The following TUT4 variants were observed in gnomAD, a reference collection of about 807,000 sequenced individuals.
The protein encoded by TUT4 is terminal uridylyl transferase 4.
A neutral mutation model predicts 192.2 loss-of-function variants in TUT4; 36 were observed. The ratio of observed to expected loss-of-function variants is 0.19; its 90% CI spans 0.14 to 0.25. The LOEUF is 0.25. Among genes scored for constraint, TUT4 ranks in the 10% least tolerant of loss-of-function variants. TUT4 has a pLI of 1.00. For missense variants in TUT4, 1,493 were observed against 1,957.2 expected, an observed-to-expected ratio of 0.76 and a Z score of 4.47; for synonymous variants, 618 against 666.0, an observed-to-expected ratio of 0.93 and a Z score of 1.11.
rs1681689113 is a variant in TUT4 at position 52,526,125 on chromosome 1, C to T, written c.156G>A (p.Arg52=). 6.2e-7 allele frequency: 1 copy of T among 1,611,646 alleles called. No individual in the cohort carries two copies. The highest frequency in any genetic ancestry group is 2.2e-5 in the East Asian group (1 of 44,852). The change falls in exon 2 of 30, where the codon AGG becomes AGA. Residue 52 remains arginine (R), a synonymous_variant. Coordinates refer to ENST00000257177, the MANE Select transcript of TUT4 (RefSeq NM_001009881.3). ...VKEIENSSPN[R]NSSKKNKQND... Reference sequence around the variant, plus strand: ...TTTGCTTATTTTTTTTACTACTATTCCTATTTGGAGAGCTGTTCTCAATTT... The same window carrying T: ...TTTGCTTATTTTTTTTACTACTATTTCTATTTGGAGAGCTGTTCTCAATTT...
In TUT4 at chr1:52,423,690, T is replaced by A; in HGVS notation, c.*245A>T. 2 of 766,618 alleles carry A rather than the reference T, an allele frequency of 2.6e-6. No homozygotes were observed. Among genetic ancestry groups the A allele is most frequent in the Non-Finnish European group, 3.9e-6 (2 of 513,926 alleles). 47.5% of individuals were successfully genotyped at this position (766,618 alleles called of 1,614,324 possible). A position where few individuals can be genotyped will look rare whatever the true frequency, so the allele number is the denominator to read the frequency against. On this transcript the variant is annotated 3_prime_UTR_variant, in exon 30 of 30. Coordinates refer to ENST00000257177, the MANE Select transcript of TUT4 (RefSeq NM_001009881.3). ...AAATTTGTATCACTCAATTTGGTGATACTAGTAAAAACTATAGTTCATATT... is the reference window on the plus strand; with the variant it reads ...AAATTTGTATCACTCAATTTGGTGAAACTAGTAAAAACTATAGTTCATATT...
intron 15 of TUT4, among the ~76,000 whole-genome samples, chr1:52,467,167 G>A (rs1052731990): frequency 3.2e-4 from 49 of 152,020 alleles, no homozygotes; most frequent in African/African-American, 1.2e-3. Flanking sequence ...ATGATGATAT[G>A]ATTTTTTAAT....
chr1:52,434,066 T>C (rs1288829932), intron 27 of TUT4: 1 of 152,100 alleles, frequency 6.6e-6, no homozygotes, highest in Non-Finnish European at 1.5e-5. Flanking sequence ...TCACAAAGAA[T>C]GAATGCATGT....
chr1:52,500,060 T>G (rs1282916549), intron 4 of TUT4, among the ~76,000 whole-genome samples: 1 of 150,724 alleles, frequency 6.6e-6, no homozygotes, highest in Non-Finnish European at 1.5e-5. Flanking sequence ...AGGTGGAGGT[T>G]GCAGTGAGCT....
chr1:52,502,891 T>C (rs1352630908), intron 4 of TUT4, among the ~76,000 whole-genome samples: 1 of 152,128 alleles, frequency 6.6e-6, no homozygotes. Flanking sequence ...CCCAAAGTAC[T>C]AGGATTACAG....
At chr1:52,551,884 T>A (rs951403851) in intron 1 of TUT4, among the ~76,000 whole-genome samples, 1 of 152,340 alleles carries the variant, frequency 6.6e-6, no homozygotes, top group African/African-American at 2.4e-5. Context: ...AACATTTCGC[T>A]GCTGTAAGAC....
At chr1:52,496,871 C>T in intron 5 of TUT4, 135 bp downstream of exon 5, 1 of 837,134 alleles carries the variant, frequency 1.2e-6, no homozygotes, top group Non-Finnish European at 1.7e-6. Context: ...CTCAAAAATT[C>T]ATTCATAAAA....
rs1277403317 is a variant in TUT4 at position 52,495,514 on chromosome 1, T to C, written c.1179A>G (p.Glu393=). Residue 393 remains glutamate, a splice_region_variant and synonymous_variant, in exon 6 of 30, where the codon GAA becomes GAG. Coordinates refer to ENST00000257177, the MANE Select transcript of TUT4 (RefSeq NM_001009881.3). Reference sequence around the variant, plus strand: ...ATGAGCCATACAACCTAAGTGAACATTCTGGAATAAAGGAAAAACATCAAA... The same window carrying C: ...ATGAGCCATACAACCTAAGTGAACACTCTGGAATAAAGGAAAAACATCAAA... ...MSKVITTFLP[E]CSLRLYGSSL... 2 of 1,605,484 alleles carry C rather than the reference T, an allele frequency of 1.2e-6. No homozygotes were observed. Among genetic ancestry groups the C allele is most frequent in the Non-Finnish European group, 1.7e-6 (2 of 1,175,482 alleles).
intron 12 of TUT4, 30 bp downstream of exon 12, chr1:52,477,678 C>A (rs143413456): frequency 6.4e-7 from 1 of 1,574,554 alleles, no homozygotes; most frequent in Middle Eastern, 1.7e-4. Context: ...AAAAAATATT[C>A]TCCAAATGAA....
At chr1:52,501,658 C>T (rs904976380) in intron 4 of TUT4, among the ~76,000 whole-genome samples, 1 of 151,972 alleles carries the variant, frequency 6.6e-6, no homozygotes, top group African/African-American at 2.4e-5. Context: ...ATTTGTACAT[C>T]GATGTTCACA....
intron 1 of TUT4, among the ~76,000 whole-genome samples, chr1:52,536,186 C>G (rs1684845003): frequency 6.6e-6 from 1 of 152,148 alleles, no homozygotes; most frequent in African/African-American, 2.4e-5. Flanking sequence ...TTACAAACCT[C>G]TGTTAATAGG....
intron 2 of TUT4, among the ~76,000 whole-genome samples, chr1:52,524,224 C>T (rs1307148233): frequency 6.6e-6 from 1 of 152,166 alleles, no homozygotes; most frequent in Non-Finnish European, 1.5e-5. Flanking sequence ...AATCTGATCA[C>T]AGCATTACTT....
chr1:52,435,884 G>A (rs890385235), intron 26 of TUT4, among the ~76,000 whole-genome samples: 2 of 151,890 alleles, frequency 1.3e-5, no homozygotes, highest in Non-Finnish European at 2.9e-5. Context: ...ACTGCAGCCT[G>A]GGCAACAAGA....
chr1:52,517,500 A>C (rs556665992), intron 2 of TUT4, among the ~76,000 whole-genome samples: 1 of 152,322 alleles, frequency 6.6e-6, no homozygotes, highest in African/African-American at 2.4e-5. Flanking sequence ...AGTCAAGCCT[A>C]CCTTTTGATA....
intron 16 of TUT4, among the ~76,000 whole-genome samples, chr1:52,464,027 C>G (rs1200467554): frequency 6.6e-6 from 1 of 152,050 alleles, no homozygotes; most frequent in Admixed American, 6.6e-5. Context: ...GTTACGAATC[C>G]CGGCTCCAAC....
chr1:52,505,405 T>C (rs772779880), intron 4 of TUT4, among the ~76,000 whole-genome samples: 10 of 149,810 alleles, frequency 6.7e-5, no homozygotes, highest in Admixed American at 4.0e-4. Flanking sequence ...CTTCTACTCC[T>C]AGTTTGCTTA....
intron 24 of TUT4, among the ~76,000 whole-genome samples, chr1:52,440,433 GT>G (rs908687717): frequency 0.051 from 5,563 of 110,146 alleles, 112 homozygotes; most frequent in East Asian, 0.1. Context: ...CCCATCCTGT[GT>G]TTTTTTTTTT....
intron 5 of TUT4, among the ~76,000 whole-genome samples, chr1:52,496,443 T>C (rs1035041346): frequency 1.3e-5 from 2 of 152,160 alleles, no homozygotes; most frequent in African/African-American, 4.8e-5. Context: ...AAAGTATAAT[T>C]TATCAACTTT....
In TUT4 at chr1:52,461,242, T is replaced by C. The variant is rs192463156; in HGVS notation, c.3232-19A>G. The C allele has an allele frequency of 1.5e-3, 2,358 of 1,580,880 alleles. 29 individuals are homozygous for C. The African/African-American group carries it at 0.029, about 19-fold the overall frequency. ...GTTGAGCCTGAAAAATAATTACATA[T>C]TTGAAAGGATTTCAAATTTCGTAAA... On this transcript the variant is annotated intron_variant, in intron 18 of 29. Coordinates refer to ENST00000257177, the MANE Select transcript of TUT4 (RefSeq NM_001009881.3).
Sources: allele counts gnomAD v4.1 joint callset (sites outside exome capture counted in the v4.1 genomes callset), GRCh38; gene constraint gnomAD v4.1.1; transcripts MANE v1.5; gene names NCBI Gene and HGNC (gene_info 2026-07-23, HGNC 2026-07-21).